LRRC7: variants seen among roughly 807,000 people sequenced by gnomAD.
LRRC7 encodes the protein leucine rich repeat containing 7.
Under a neutral mutation model 175.7 loss-of-function variants are expected in LRRC7, and 23 were observed. The ratio of observed to expected loss-of-function variants is 0.13; its 90% CI spans 0.09 to 0.19. The LOEUF (loss-of-function observed/expected upper bound fraction) is 0.19, where lower values mean the gene tolerates loss of function less well. LRRC7 is among the 10% of genes least tolerant of loss of function. The pLI, the probability that LRRC7 is intolerant of heterozygous loss-of-function variation, is 1.00. For missense variants in LRRC7, 1,354 were observed against 1,904.7 expected, an observed-to-expected ratio of 0.71 and a Z score of 5.38; for synonymous variants, 685 against 680.9, an observed-to-expected ratio of 1.01 and a Z score of -0.09.
intron 2 of LRRC7, among the ~76,000 whole-genome samples, chr1:69,728,393 A>G (rs1235635646): frequency 1.3e-5 from 2 of 152,200 alleles, no homozygotes; most frequent in Non-Finnish European, 2.9e-5. Flanking sequence ...TGCATTTAAC[A>G]AGAAATGAAG....
intron 2 of LRRC7, among the ~76,000 whole-genome samples, chr1:69,758,060 A>G (rs1408199426): frequency 6.6e-6 from 1 of 152,016 alleles, no homozygotes; most frequent in Non-Finnish European, 1.5e-5. Context: ...TTGCAACTGC[A>G]ATAATCACAA....
At chr1:69,576,792 C>A (rs1344288894) in intron 1 of LRRC7, among the ~76,000 whole-genome samples, 2 of 152,146 alleles carry the variant, frequency 1.3e-5, no homozygotes, top group Admixed American at 6.6e-5. Flanking sequence ...TGGAACAGAA[C>A]ATATTTCTGC....
rs1673613516 is a variant in LRRC7, at chr1:69,781,738, AGAGAG to A, written c.304-10304_304-10300del. On this transcript the variant is annotated intron_variant, in intron 3 of 26. Transcript: ENST00000651989. Reference sequence around the variant, plus strand: ...AAGAAAGAAAGAAAGAAAGAAAGAGAGAGAGAGAGAGAGAGAGAGAGAGAGAGAAA... The same window carrying A: ...AAGAAAGAAAGAAAGAAAGAAAGAGAAGAGAGAGAGAGAGAGAGAGAGAAA... Among the ~76,000 whole-genome samples the A allele has an allele frequency of 4.9e-4, 22 of 44,552 alleles. 3 individuals carry two copies. Among genetic ancestry groups the A allele is most frequent in the East Asian group, 8.8e-4 (1 of 1,132 alleles). 29.2% of individuals were successfully genotyped at this position (44,552 alleles called of 152,430 possible). A position where few individuals can be genotyped will look rare whatever the true frequency, so the allele number is the denominator to read the frequency against.
rs554398415 is a variant in LRRC7, at chr1:69,749,385, G to A, written c.101-10806G>A. Among the ~76,000 whole-genome samples the A allele has an allele frequency of 3.3e-5, 5 of 152,076 alleles. No individual in the cohort carries two copies. The South Asian group carries it at 6.2e-4, about 19-fold the overall frequency. On this transcript the variant is annotated intron_variant, in intron 2 of 26. Coordinates refer to ENST00000651989, the MANE Select transcript of LRRC7 (RefSeq NM_001370785.2). Reference sequence around the variant, plus strand: ...GAGTAGAAGACAGACCAGGAAAGCAGCATTATTTATAAATATGGAACAGAA... The same window carrying A: ...GAGTAGAAGACAGACCAGGAAAGCAACATTATTTATAAATATGGAACAGAA...
At chr1:69,812,016 G>T (rs887451140) in intron 4 of LRRC7, among the ~76,000 whole-genome samples, 4 of 152,198 alleles carry the variant, frequency 2.6e-5, no homozygotes, top group African/African-American at 9.6e-5. Flanking sequence ...TGTTACCTGA[G>T]CATAACACTC....
chr1:69,743,943 T>C (rs1668987305), intron 2 of LRRC7, among the ~76,000 whole-genome samples: 1 of 151,812 alleles, frequency 6.6e-6, no homozygotes. Flanking sequence ...ATACTTCTTT[T>C]TAAAGTGGAA....
chr1:70,058,004 G>C (rs1661282170), intron 23 of LRRC7, among the ~76,000 whole-genome samples: 1 of 150,820 alleles, frequency 6.6e-6, no homozygotes, highest in Admixed American at 6.6e-5. Context: ...TGCAGTCCCA[G>C]ACTCACAATT....
At position 70,086,065 on chromosome 1, in the gene LRRC7, G is replaced by A. The variant is rs142792431; in HGVS notation, c.4453-3662G>A. Among the ~76,000 whole-genome samples, 433 of 152,086 alleles carry A rather than the reference G, an allele frequency of 2.8e-3. 3 individuals are homozygous for A. The highest frequency in any genetic ancestry group is 3.8e-3 in the Non-Finnish European group (261 of 67,954). On this transcript the variant is annotated intron_variant, in intron 24 of 26. Coordinates refer to ENST00000651989, the MANE Select transcript of LRRC7 (RefSeq NM_001370785.2). ...TCATGTATTTTAACAAGGAGTCATC[G>A]TATACTTTTTATTAAGGAAGGCAGG...
intron 1 of LRRC7, among the ~76,000 whole-genome samples, chr1:69,669,807 A>C (rs184584943): frequency 6.6e-6 from 1 of 151,936 alleles, no homozygotes; most frequent in Non-Finnish European, 1.5e-5. Context: ...GGCTGTTTTC[A>C]TGCTGACTAA....
chr1:69,744,127 T>C (rs910745487), intron 2 of LRRC7, among the ~76,000 whole-genome samples: 1 of 151,802 alleles, frequency 6.6e-6, no homozygotes, highest in Non-Finnish European at 1.5e-5. Context: ...GGGGAAAATA[T>C]ATTTTTAAAA....
At chr1:69,884,761 G>A (rs1387926741) in intron 7 of LRRC7, among the ~76,000 whole-genome samples, 4 of 146,902 alleles carry the variant, frequency 2.7e-5, no homozygotes, top group South Asian at 4.4e-4. Context: ...TTTGTCATAG[G>A]TAGCTCTTAT....
intron 2 of LRRC7, among the ~76,000 whole-genome samples, chr1:69,726,867 A>C (rs1667039676): frequency 6.6e-6 from 1 of 152,186 alleles, no homozygotes; most frequent in African/African-American, 2.4e-5. Context: ...CTGGTGGTTA[A>C]GATATTTGGG....
At chr1:69,923,986 G>A (rs1234044680) in intron 7 of LRRC7, among the ~76,000 whole-genome samples, 2 of 151,960 alleles carry the variant, frequency 1.3e-5, no homozygotes, top group South Asian at 2.1e-4. Flanking sequence ...TGTATAAGGT[G>A]TAAGGAAGGG....
chr1:69,691,355 G>A (rs895177737), intron 2 of LRRC7, among the ~76,000 whole-genome samples: 1 of 152,036 alleles, frequency 6.6e-6, no homozygotes, highest in Non-Finnish European at 1.5e-5. Context: ...TTGTTTGCAT[G>A]TCTGTTTCTT....
At chr1:69,781,938 A>AAGAAAGAAAGAAAGAG (rs748855273) in intron 3 of LRRC7, among the ~76,000 whole-genome samples, 1 of 122,964 alleles carries the variant, frequency 8.1e-6, no homozygotes, top group African/African-American at 3.5e-5. Flanking sequence ...GAAAGAAAGA[A>AAGAAAGAAAGAAAGAG]AGAGAAAAGA....
intron 4 of LRRC7, among the ~76,000 whole-genome samples, chr1:69,823,387 G>T (rs1438850014): frequency 6.6e-6 from 1 of 152,008 alleles, no homozygotes; most frequent in Non-Finnish European, 1.5e-5. Flanking sequence ...TTCTTCTATA[G>T]TTTTTCTTTC....
At chr1:69,631,384 T>A (rs906363147) in intron 1 of LRRC7, among the ~76,000 whole-genome samples, 1 of 152,138 alleles carries the variant, frequency 6.6e-6, no homozygotes, top group East Asian at 1.9e-4. Flanking sequence ...TCAAATCATC[T>A]CATTGTTGAT....
chr1:69,652,120 T>G (rs1260515702), intron 1 of LRRC7, among the ~76,000 whole-genome samples: 1 of 152,100 alleles, frequency 6.6e-6, no homozygotes, highest in Admixed American at 6.6e-5. Flanking sequence ...GGATTTGGAG[T>G]TCAACTCTCC....
At chr1:69,876,887 A>G (rs2101598660) in intron 7 of LRRC7, among the ~76,000 whole-genome samples, 1 of 152,290 alleles carries the variant, frequency 6.6e-6, no homozygotes, top group South Asian at 2.1e-4. Flanking sequence ...TCAGTACAGC[A>G]TAGTATATAA....
Sources: gnomAD v4.1 joint callset for allele counts (sites outside exome capture counted in the v4.1 genomes callset) on GRCh38, gnomAD v4.1.1 for gene constraint, MANE v1.5 for transcripts, NCBI Gene and HGNC (gene_info 2026-07-23, HGNC 2026-07-21) for gene names.